Variants in FAM20A observed in about 807,000 individuals in gnomAD.
FAM20A encodes FAM20A golgi associated secretory pathway pseudokinase.
Under a neutral mutation model 52.0 loss-of-function variants are expected in FAM20A, and 42 were observed. That is an observed-to-expected ratio of 0.81 (90% CI 0.63 to 1.04). FAM20A has a LOEUF of 1.04. FAM20A is among the 50% of genes least tolerant of loss of function. FAM20A has a pLI of 0.00. For missense variants in FAM20A, 742 were observed against 712.7 expected (o/e 1.04, Z -0.47); for synonymous variants, 304 against 298.9 (o/e 1.02, Z -0.18).
chr17:68,576,314 A>G (rs1192667218), intron 1 of FAM20A, among the ~76,000 whole-genome samples: 1 of 152,212 alleles, frequency 6.6e-6, no homozygotes, highest in Non-Finnish European at 1.5e-5. Flanking sequence ...CCCATAAGAC[A>G]GGTCCATTGT....
intron 4 of FAM20A, among the ~76,000 whole-genome samples, chr17:68,545,141 T>G (rs2086489606): frequency 6.6e-6 from 1 of 152,248 alleles, no homozygotes; most frequent in African/African-American, 2.4e-5. Context: ...TTTCAAGAGA[T>G]ACATTTTAAA....
At chr17:68,594,430 G>A (rs1434594313) in intron 1 of FAM20A, among the ~76,000 whole-genome samples, 1 of 151,922 alleles carries the variant, frequency 6.6e-6, no homozygotes, top group Non-Finnish European at 1.5e-5. Flanking sequence ...TATTGTATTT[G>A]TCTTCTATTG....
intron 4 of FAM20A, among the ~76,000 whole-genome samples, chr17:68,548,520 ACT>A (rs923254525): frequency 1.3e-5 from 2 of 151,392 alleles, no homozygotes; most frequent in African/African-American, 4.9e-5. Flanking sequence ...ACAGAGTGAG[ACT>A]CTGTCTCAAA....
intron 4 of FAM20A, among the ~76,000 whole-genome samples, chr17:68,547,276 TA>T (rs1235292543): frequency 5.9e-5 from 9 of 152,324 alleles, no homozygotes; most frequent in East Asian, 1.9e-4. Context: ...TTATTATTAT[TA>T]TTTTTTTATT....
In FAM20A at chr17:68,536,352, C is replaced by T. The variant is rs1307605890; in HGVS notation, c.*1125G>A. ...GTCACTCCATGGAATGAAGACCTTA[C>T]TGTCCTTTGTGTTTTCGGTCATTAA... On this transcript the variant is annotated 3_prime_UTR_variant, in exon 11 of 11. Transcript: ENST00000592554. The T allele has an allele frequency of 2.2e-6, 1 of 453,948 alleles. No individual in the cohort carries two copies. The highest frequency in any genetic ancestry group is 2.0e-5 in the African/African-American group (1 of 49,998). 28.1% of individuals were successfully genotyped at this position (453,948 alleles called of 1,614,324 possible). A position where few individuals can be genotyped will look rare whatever the true frequency, so the allele number is the denominator to read the frequency against.
chr17:68,554,257 C>T (rs546266164), intron 3 of FAM20A, among the ~76,000 whole-genome samples: 133 of 152,078 alleles, frequency 8.7e-4, no homozygotes, highest in Admixed American at 2.6e-3. Context: ...CAGCCTCCCA[C>T]GCTCGTCTAA....
chr17:68,580,203 G>A (rs1219078521), intron 1 of FAM20A, among the ~76,000 whole-genome samples: 4 of 152,190 alleles, frequency 2.6e-5, no homozygotes, highest in Non-Finnish European at 5.9e-5. Context: ...GCAGAGAAAC[G>A]AATGCTTTGT....
At chr17:68,578,121 T>A (rs562207708) in intron 1 of FAM20A, among the ~76,000 whole-genome samples, 1 of 152,226 alleles carries the variant, frequency 6.6e-6, no homozygotes, top group South Asian at 2.1e-4. Context: ...GTAAAGGCAA[T>A]ACTCTGAGAG....
intron 2 of FAM20A, 135 bp downstream of exon 2, chr17:68,555,424 A>C: frequency 1.0e-6 from 1 of 960,834 alleles, no homozygotes; most frequent in Non-Finnish European, 1.7e-6. Flanking sequence ...GAAAAAGATC[A>C]ATGCATATGT....
At chr17:68,545,942 G>C (rs1453672487) in intron 4 of FAM20A, among the ~76,000 whole-genome samples, 1 of 152,146 alleles carries the variant, frequency 6.6e-6, no homozygotes, top group African/African-American at 2.4e-5. Flanking sequence ...GGCTGAGGCA[G>C]GTGGATCACG....
intron 1 of FAM20A, among the ~76,000 whole-genome samples, chr17:68,563,707 G>T (rs1389466183): frequency 6.6e-6 from 1 of 152,230 alleles, no homozygotes; most frequent in East Asian, 1.9e-4. Flanking sequence ...CTAATTTAGA[G>T]TTACTGTTGT....
chr17:68,574,787 C>G (rs563914459), intron 1 of FAM20A, among the ~76,000 whole-genome samples: 1 of 152,194 alleles, frequency 6.6e-6, no homozygotes, highest in African/African-American at 2.4e-5. Flanking sequence ...ATAATGGTGC[C>G]CCCAAAGAGA....
chr17:68,571,987 CATATATATATATATATATATA>C (rs2087555625), intron 1 of FAM20A, among the ~76,000 whole-genome samples: 1 of 43,774 alleles, frequency 2.3e-5, no homozygotes, highest in Non-Finnish European at 5.4e-5. Context: ...TATATACATA[CATATATATATATATATATATA>C]TATATATATA....
At chr17:68,583,007 C>T (rs1454401502) in intron 1 of FAM20A, among the ~76,000 whole-genome samples, 1 of 151,096 alleles carries the variant, frequency 6.6e-6, no homozygotes, top group African/African-American at 2.4e-5. Flanking sequence ...AGGGTTTCAC[C>T]ATGTTGGCCA....
chr17:68,568,486 A>G (rs2087445074), intron 1 of FAM20A, among the ~76,000 whole-genome samples: 2 of 151,392 alleles, frequency 1.3e-5, no homozygotes, highest in African/African-American at 2.4e-5. Flanking sequence ...ATAAATAAAT[A>G]AATAAATAAA....
intron 1 of FAM20A, chr17:68,591,715 C>T (rs941949282): frequency 1.3e-5 from 2 of 149,746 alleles, no homozygotes; most frequent in African/African-American, 2.5e-5. Flanking sequence ...CTTAATCACG[C>T]CGACCTGCGC....
Position 68,597,940 on chromosome 17 carries a change from C to G in FAM20A, c.404+2323G>C, listed in dbSNP as rs2088499464. 4 of 151,746 alleles carry G rather than the reference C, an allele frequency of 2.6e-5. 1 individual carries two copies. Among genetic ancestry groups the G allele is most frequent in the Admixed American group, 2.6e-4 (4 of 15,246 alleles). The allele number at this position is 151,746 out of a possible 1,614,324, so 9.4% of individuals were successfully genotyped here. A position where few individuals can be genotyped will look rare whatever the true frequency, so the allele number is the denominator to read the frequency against. On this transcript the variant is annotated intron_variant, in intron 1 of 10. Coordinates refer to ENST00000592554, the MANE Select transcript of FAM20A (RefSeq NM_017565.4). ...CTCTCATTTAAGGTAATGAGTGACT[C>G]CCTTTCACAATAGAACTCTGAGTGT...
At chr17:68,541,209 G>A in intron 7 of FAM20A, 1 of 492,422 alleles carries the variant, frequency 2.0e-6, no homozygotes, top group South Asian at 2.0e-5. Context: ...GTGCCAGAGG[G>A]GAGAGGCCGG....
At chr17:68,551,409 A>G (rs963907653) in intron 4 of FAM20A, 5 of 301,946 alleles carry the variant, frequency 1.7e-5, no homozygotes, top group African/African-American at 1.1e-4. Flanking sequence ...TTGATGTCAA[A>G]AAGAGAGTGC....
Sources: allele counts gnomAD v4.1 joint callset (sites outside exome capture counted in the v4.1 genomes callset), GRCh38; gene constraint gnomAD v4.1.1; transcripts MANE v1.5; gene names NCBI Gene and HGNC (gene_info 2026-07-23, HGNC 2026-07-21).